Variants in CENPT observed in about 807,000 individuals in gnomAD.
CENPT encodes the protein interphase centromere complex protein 22.
Under a neutral mutation model 59.7 loss-of-function variants are expected in CENPT, and 42 were observed. The observed-to-expected ratio is 0.70, with a 90% confidence interval of 0.55 to 0.91. The LOEUF (loss-of-function observed/expected upper bound fraction) is 0.91, where lower values mean the gene tolerates loss of function less well. Among genes scored for constraint, CENPT ranks in the 40% least tolerant of loss-of-function variants. The pLI, the probability that CENPT is intolerant of heterozygous loss-of-function variation, is 0.00. For synonymous variants in CENPT, 295 were observed against 289.6 expected, an observed-to-expected ratio of 1.02 and a Z score of -0.19; for missense variants, 716 against 713.4, an observed-to-expected ratio of 1.00 and a Z score of -0.04.
intron 1 of CENPT, among the ~76,000 whole-genome samples, chr16:67,839,192 A>G (rs2057748419): frequency 6.6e-6 from 1 of 151,160 alleles, no homozygotes; most frequent in South Asian, 2.1e-4. Flanking sequence ...TTTGCGACCA[A>G]CCTGGCCAAC....
Position 67,828,490 on chromosome 16 carries a change from C to G in CENPT, c.1546G>C (p.Glu516Gln), listed in dbSNP as rs758161409. The G allele has an allele frequency of 1.2e-6, 2 of 1,614,238 alleles. No individual in the cohort carries two copies. Among genetic ancestry groups the G allele is most frequent in the African/African-American group, 1.3e-5 (1 of 75,058 alleles). Residue 516 changes from glutamate (E) to glutamine (Q), a missense_variant, in exon 15 of 16, where the codon GAG becomes CAG. Glu to Gln is a conservative substitution (Grantham distance 29). Coordinates refer to ENST00000562787, the MANE Select transcript of CENPT (RefSeq NM_025082.4). ...GRKTVKPEDLELLMRRQGLVT... is the reference protein window; with the variant it reads ...GRKTVKPEDLQLLMRRQGLVT... ...CCTTCTCACCGCCGCATCAGCAGCT[C>G]CAGGTCCTCTGGCTTCACAGTCTTG...
chr16:67,834,945 G>T (rs552976574), intron 3 of CENPT, among the ~76,000 whole-genome samples: 3 of 152,076 alleles, frequency 2.0e-5, no homozygotes, highest in Non-Finnish European at 4.4e-5. Context: ...GGGTTCAAGC[G>T]ATTCTCCTGC....
chr16:67,828,480 A>G lies in CENPT; in HGVS notation c.1556T>C (p.Met519Thr). Residue 519 changes from methionine to threonine, a missense_variant, in exon 15 of 16, where the codon ATG becomes ACG. Transcript: ENST00000562787. ...TVKPEDLELL[M>T]RRQGLVTDQV... ...ACACCTTCCGCCTTCTCACCGCCGC[A>G]TCAGCAGCTCCAGGTCCTCTGGCTT... is the stretch of plus-strand genomic sequence containing the variant. 6.2e-7 allele frequency: 1 copy of G among 1,614,230 alleles called. No homozygotes were observed. Among genetic ancestry groups the G allele is most frequent in the Non-Finnish European group, 8.5e-7 (1 of 1,180,030 alleles).
chr16:67,832,109 C>A lies in CENPT; in HGVS notation c.290-1G>T. ...GGCATCAGGATGGAAGATTCTGGGG[C>A]TGCAGAAACACCAAGGAGAGGGTGG... On this transcript the variant is annotated splice_acceptor_variant, in intron 6 of 15. Coordinates refer to ENST00000562787, the MANE Select transcript of CENPT (RefSeq NM_025082.4). LOFTEE classifies it high-confidence loss of function. 1 of 1,611,372 alleles carries A rather than the reference C, an allele frequency of 6.2e-7. No homozygotes were observed. Among genetic ancestry groups the A allele is most frequent in the Non-Finnish European group, 8.5e-7 (1 of 1,177,990 alleles).
Position 67,833,959 on chromosome 16 carries a change from C to T in CENPT, c.-100G>A, listed in dbSNP as rs1255897495. ...CTCTCGCGATGCTCCCGCACAGCCC[C>T]ACGGGAATTGTAGTTCTCGCACTAT... On this transcript the variant is annotated 5_prime_UTR_variant, in exon 4 of 16. Coordinates refer to ENST00000562787, the MANE Select transcript of CENPT (RefSeq NM_025082.4). 5.4e-6 allele frequency: 4 copies of T among 747,650 alleles called. No individual in the cohort carries two copies. Among genetic ancestry groups the T allele is most frequent in the Non-Finnish European group, 8.0e-6 (4 of 502,974 alleles). 46.3% of individuals were successfully genotyped at this position (747,650 alleles called of 1,614,324 possible).
intron 1 of CENPT, among the ~76,000 whole-genome samples, chr16:67,835,986 G>A (rs1258633693): frequency 1.3e-5 from 2 of 151,846 alleles, no homozygotes; most frequent in East Asian, 1.9e-4. Flanking sequence ...CTCATGATCC[G>A]CCTGCCTCAG....
chr16:67,833,467 G>A (rs1471349318), intron 4 of CENPT, among the ~76,000 whole-genome samples: 1 of 152,264 alleles, frequency 6.6e-6, no homozygotes, highest in Non-Finnish European at 1.5e-5. Context: ...GTCAGGCTCT[G>A]TGGTCCCGAG....
At position 67,829,489 on chromosome 16, in the gene CENPT, G is replaced by A. The variant is rs780163959; in HGVS notation, c.1214C>T (p.Pro405Leu). 14 of 1,593,466 alleles carry A rather than the reference G, an allele frequency of 8.8e-6. No homozygotes were observed. The highest frequency in any genetic ancestry group is 1.0e-5 in the Non-Finnish European group (12 of 1,174,806). The change falls in exon 13 of 16, where the codon CCT (proline) becomes CTT (leucine). Residue 405 changes from proline to leucine, a missense_variant. Pro to Leu is a moderately conservative substitution (Grantham distance 98). Transcript: ENST00000562787. ...AASPESASST[P>L]ESLQARRHHQ... The stretch of plus-strand genomic sequence containing the variant: ...ATGTCGCCTGGCCTGGAGAGACTCA[G>A]GGGTGCTGGAGGCCGACTCTGGACT...
intron 1 of CENPT, among the ~76,000 whole-genome samples, chr16:67,836,151 C>G (rs1372907729): frequency 6.6e-6 from 1 of 150,890 alleles, no homozygotes; most frequent in East Asian, 2.0e-4. Context: ...CCTCTGCCTC[C>G]CGGTTTCAAG....
rs1377934285 is a variant in CENPT at position 67,828,539 on chromosome 16, C to T, written c.1497G>A (p.Glu499=). The change falls in exon 15 of 16, where the codon GAG becomes GAA. Residue 499 remains glutamate, a synonymous_variant. Transcript: ENST00000562787. ...TGCGGCCAGCATGAGCAGCAAATAC[C>T]TCCAGATCATCACAAAGATGCTGGA... is the stretch of plus-strand genomic sequence containing the variant. ...KYFQHLCDDL[E]VFAAHAGRKT... 12 of 1,614,242 alleles carry T rather than the reference C, an allele frequency of 7.4e-6. No individual in the cohort carries two copies. Among genetic ancestry groups the T allele is most frequent in the Non-Finnish European group, 1.0e-5 (12 of 1,180,050 alleles).
At chr16:67,831,957 AACTCCCGG>A in intron 7 of CENPT, 47 bp downstream of exon 7, 1 of 1,588,608 alleles carries the variant, frequency 6.3e-7, no homozygotes, top group Non-Finnish European at 8.6e-7. Flanking sequence ...ACCCCCAAGA[AACTCCCGG>A]ACTAAGCTGC....
chr16:67,828,631 G>A (rs1223371602), intron 14 of CENPT, 36 bp downstream of exon 14: 17 of 1,613,932 alleles, frequency 1.1e-5, no homozygotes, highest in Middle Eastern at 1.6e-4. Flanking sequence ...ATGACCCGAG[G>A]GGTTCCTCTC....
chr16:67,831,828 G>C lies in CENPT; in HGVS notation c.449C>G (p.Pro150Arg). ...TCTCAGCCTCTGTTTCCTCCTGCCA[G>C]GGGCCAGCAGACCTGGAGCCAGGGT... The part of the protein sequence containing the change: ...PTTLAPGLLA[P>R]GRRKQRLRLS... Residue 150 changes from proline to arginine, a missense_variant, in exon 8 of 16, where the codon CCT (proline) becomes CGT (arginine). Coordinates refer to ENST00000562787, the MANE Select transcript of CENPT (RefSeq NM_025082.4). 6.2e-7 allele frequency: 1 copy of C among 1,607,198 alleles called. No individual in the cohort carries two copies. Among genetic ancestry groups the C allele is most frequent in the Non-Finnish European group, 8.5e-7 (1 of 1,177,544 alleles).
At chr16:67,830,572 T>C (rs1485944642) in intron 10 of CENPT, 24 bp from the exon 11 acceptor site, 2 of 1,610,484 alleles carry the variant, frequency 1.2e-6, no homozygotes, top group African/African-American at 2.7e-5. Flanking sequence ...AGTAACAGGT[T>C]CTGAGGCTGT....
chr16:67,829,404 T>G lies in CENPT; in HGVS notation c.1280+19A>C, dbSNP rs1225332499. 3.8e-6 allele frequency: 6 copies of G among 1,573,842 alleles called. No individual in the cohort carries two copies. The highest frequency in any genetic ancestry group is 5.2e-6 in the Non-Finnish European group (6 of 1,161,876). On this transcript the variant is annotated intron_variant, in intron 13 of 15. Transcript: ENST00000562787. ...CCCTTCCCAAGAGGCCCATGAGGAA[T>G]GGGGTTGTGGGATCTTACACTGCAG...
rs1192625219 is a variant in CENPT at position 67,832,487 on chromosome 16, T to G, written c.169A>C (p.Thr57Pro). ...SPRKLSGQTR[T>P]IARGRSHGAR... is the part of the protein sequence containing the mutation. ...CCATGGGAACGCCCTCTGGCTATCG[T>G]CCTTGTTTGGCCACTCAACTTCCTG... The change falls in exon 5 of 16, where the codon ACG becomes CCG. Residue 57 changes from threonine to proline, a missense_variant. Physicochemically the swap from Thr to Pro is conservative, Grantham distance 38 (BLOSUM62 -1). Coordinates refer to ENST00000562787, the MANE Select transcript of CENPT (RefSeq NM_025082.4). The G allele has an allele frequency of 6.2e-7, 1 of 1,614,148 alleles. No homozygotes were observed. Among genetic ancestry groups the G allele is most frequent in the Admixed American group, 1.7e-5 (1 of 60,014 alleles).
At chr16:67,847,239 G>A (rs932475330) in intron 1 of CENPT, 162 bp downstream of exon 1, 2 of 152,294 alleles carry the variant, frequency 1.3e-5, no homozygotes, top group Non-Finnish European at 2.9e-5. Context: ...CTGGTGGCTG[G>A]TGCACCGGCC....
chr16:67,828,246 G>GA lies in CENPT; in HGVS notation c.*20dup. 1 of 1,560,614 alleles carries GA rather than the reference G, an allele frequency of 6.4e-7. No homozygotes were observed. Among genetic ancestry groups the GA allele is most frequent in the Non-Finnish European group, 8.7e-7 (1 of 1,151,932 alleles). On this transcript the variant is annotated 3_prime_UTR_variant, in exon 16 of 16. Transcript: ENST00000562787. ...GCAAGAGTCCCCAGGTGGGGACAGG[G>GA]AAAGTGTTGAAGCCTGGCCACTACT...
At chr16:67,840,767 G>A (rs987032405) in intron 1 of CENPT, among the ~76,000 whole-genome samples, 12 of 151,856 alleles carry the variant, frequency 7.9e-5, no homozygotes, top group African/African-American at 2.7e-4. Flanking sequence ...GGAGAAGGAA[G>A]AACTCGGCAA....
Sources: gnomAD v4.1 joint callset for allele counts (sites outside exome capture counted in the v4.1 genomes callset) on GRCh38, gnomAD v4.1.1 for gene constraint, MANE v1.5 for transcripts, NCBI Gene and HGNC (gene_info 2026-07-23, HGNC 2026-07-21) for gene names.